ZNF516: variants seen among roughly 807,000 people sequenced by gnomAD.
ZNF516 encodes zinc finger protein 516.
ZNF516 carries 19 observed loss-of-function variants against 79.7 expected under a neutral mutation model. That is an observed-to-expected ratio of 0.24 (90% CI 0.17 to 0.35). The LOEUF (loss-of-function observed/expected upper bound fraction) is 0.35. Ranked by LOEUF, ZNF516 falls within the 10% of genes least tolerant of loss-of-function variation. The pLI is 1.00. For missense variants in ZNF516, 1,678 were observed against 1,679.5 expected (o/e 1.00, Z 0.02); for synonymous variants, 877 against 739.5 (o/e 1.19, Z -3.02).
At chr18:76,456,650 C>A (rs1412491703) in intron 2 of ZNF516, among the ~76,000 whole-genome samples, 1 of 143,958 alleles carries the variant, frequency 6.9e-6, no homozygotes, top group Non-Finnish European at 1.5e-5. Flanking sequence ...TCAACCCCGA[C>A]GGTCAGAATG....
chr18:76,437,029 T>C (rs1426277282), intron 3 of ZNF516, among the ~76,000 whole-genome samples: 1 of 149,298 alleles, frequency 6.7e-6, no homozygotes, highest in Non-Finnish European at 1.5e-5. Flanking sequence ...ATTGTGCCAC[T>C]GCACTCCAGC....
chr18:76,466,275 C>T (rs1432732117), intron 1 of ZNF516, among the ~76,000 whole-genome samples: 3 of 152,194 alleles, frequency 2.0e-5, no homozygotes, highest in Admixed American at 6.5e-5. Context: ...CTCTCCACTG[C>T]TCCAGGCAGG....
chr18:76,409,406 T>C (rs537300109), intron 3 of ZNF516, among the ~76,000 whole-genome samples: 1 of 152,196 alleles, frequency 6.6e-6, no homozygotes, highest in Non-Finnish European at 1.5e-5. Flanking sequence ...CTGCAGGAAA[T>C]GCTACCATTG....
At chr18:76,390,791 T>C (rs2075060643) in intron 3 of ZNF516, among the ~76,000 whole-genome samples, 1 of 152,156 alleles carries the variant, frequency 6.6e-6, no homozygotes, top group South Asian at 2.1e-4. Flanking sequence ...CACATGACAC[T>C]TTCCGGGTTC....
intron 1 of ZNF516, among the ~76,000 whole-genome samples, chr18:76,468,417 CTTT>C (rs58648821): frequency 6.3e-5 from 8 of 127,414 alleles, no homozygotes; most frequent in Non-Finnish European, 3.3e-5. Context: ...TCATTAGTGT[CTTT>C]TTTTTTTTTT....
At position 76,436,563 on chromosome 18, in the gene ZNF516, G is replaced by A. The variant is rs116415091; in HGVS notation, c.1810+4682C>T. Among the ~76,000 whole-genome samples, 13 of 152,238 alleles carry A rather than the reference G, an allele frequency of 8.5e-5. 1 individual carries two copies. In the Middle Eastern group the frequency reaches 0.01, roughly 119 times the overall value. On this transcript the variant is annotated intron_variant, in intron 3 of 6. Transcript: ENST00000443185. Reference sequence around the variant, plus strand: ...GAGTCCCCGAGAGACTCAGCATCGCGAGTGGATTCAGCTGCAAGGTCAGTG... The same window carrying A: ...GAGTCCCCGAGAGACTCAGCATCGCAAGTGGATTCAGCTGCAAGGTCAGTG...
intron 3 of ZNF516, among the ~76,000 whole-genome samples, chr18:76,403,006 G>A (rs770123878): frequency 3.0e-4 from 45 of 152,154 alleles, no homozygotes; most frequent in Admixed American, 3.9e-4. Flanking sequence ...GCTCACCTGC[G>A]CACCTTCCCA....
intron 1 of ZNF516, among the ~76,000 whole-genome samples, chr18:76,468,290 T>C (rs1055740862): frequency 4.6e-5 from 7 of 152,210 alleles, no homozygotes; most frequent in Non-Finnish European, 8.8e-5. Flanking sequence ...TCACACTCGC[T>C]CTCTGGACAA....
chr18:76,431,586 T>C (rs1473718191), intron 3 of ZNF516, among the ~76,000 whole-genome samples: 4 of 152,212 alleles, frequency 2.6e-5, no homozygotes, highest in African/African-American at 9.6e-5. Context: ...GTCTGGGCCA[T>C]GGGGATGGGT....
At chr18:76,443,789 G>A (rs1398614211) in intron 2 of ZNF516, among the ~76,000 whole-genome samples, 1 of 152,196 alleles carries the variant, frequency 6.6e-6, no homozygotes, top group Non-Finnish European at 1.5e-5. Flanking sequence ...CCCGCAAGAT[G>A]GCACAGCCCG....
intron 3 of ZNF516, among the ~76,000 whole-genome samples, chr18:76,439,673 G>T (rs1443502124): frequency 1.3e-5 from 2 of 152,108 alleles, no homozygotes; most frequent in African/African-American, 4.8e-5. Context: ...AGCTTACTAT[G>T]AATCAGGTGA....
chr18:76,382,708 C>T (rs969226675), intron 3 of ZNF516, among the ~76,000 whole-genome samples: 13 of 152,082 alleles, frequency 8.5e-5, no homozygotes, highest in East Asian at 3.9e-4. Context: ...GCCAGGAGTT[C>T]GAGACCAGCC....
rs1054461561 is a variant in ZNF516 at position 76,380,319 on chromosome 18, T to C, written c.1811-16A>G. On this transcript the variant is annotated splice_polypyrimidine_tract_variant and intron_variant, in intron 3 of 6. Coordinates refer to ENST00000443185, the MANE Select transcript of ZNF516 (RefSeq NM_014643.4). ...GGCTGTCCCCCTAGAGGAGGCAAAA[T>C]ATGAAACGGGAAGTTACCATTTCTC... The C allele has an allele frequency of 7.5e-6, 12 of 1,607,248 alleles. No homozygotes were observed. The highest frequency in any genetic ancestry group is 1.0e-5 in the Non-Finnish European group (12 of 1,176,858).
intron 3 of ZNF516, among the ~76,000 whole-genome samples, chr18:76,400,916 T>A (rs1014123882): frequency 1.3e-5 from 2 of 152,220 alleles, no homozygotes; most frequent in African/African-American, 4.8e-5. Flanking sequence ...AATCACACTG[T>A]AAGTTGTAAC....
At chr18:76,441,121 T>C in intron 3 of ZNF516, 124 bp downstream of exon 3, 13 of 1,368,524 alleles carry the variant, frequency 9.5e-6, no homozygotes, top group Non-Finnish European at 1.3e-5. Context: ...TAGGCCTAGC[T>C]GAGTAAAGGG....
chr18:76,407,853 T>C (rs1233213162), intron 3 of ZNF516, among the ~76,000 whole-genome samples: 2 of 152,170 alleles, frequency 1.3e-5, no homozygotes, highest in Non-Finnish European at 2.9e-5. Context: ...TGCATTCCTC[T>C]ATGCAGTTCA....
At chr18:76,490,705 T>C (rs919361592) in intron 1 of ZNF516, 6 of 923,122 alleles carry the variant, frequency 6.5e-6, no homozygotes, top group Non-Finnish European at 5.2e-6. Context: ...CGAAACTGCA[T>C]GGCAGGCTGA....
At chr18:76,391,027 C>A (rs1369886569) in intron 3 of ZNF516, among the ~76,000 whole-genome samples, 1 of 152,076 alleles carries the variant, frequency 6.6e-6, no homozygotes, top group Non-Finnish European at 1.5e-5. Flanking sequence ...GTTCCCAGAT[C>A]CCAGGAGGGC....
chr18:76,387,516 A>G (rs1474034555), intron 3 of ZNF516: 1 of 152,226 alleles, frequency 6.6e-6, no homozygotes, highest in Admixed American at 6.5e-5. Context: ...AATATATTTT[A>G]TCCCAGATTT....
Sources: allele counts gnomAD v4.1 joint callset (sites outside exome capture counted in the v4.1 genomes callset), GRCh38; gene constraint gnomAD v4.1.1; transcripts MANE v1.5; gene names NCBI Gene and HGNC (gene_info 2026-07-23, HGNC 2026-07-21).